The following KCNK1 variants were observed in gnomAD, a reference collection of about 807,000 sequenced individuals.
The protein encoded by KCNK1 is potassium two pore domain channel subfamily K member 1.
A neutral mutation model predicts 22.2 loss-of-function variants in KCNK1; 10 were observed. That is an observed-to-expected ratio of 0.45 (90% confidence interval 0.28 to 0.76). The LOEUF (loss-of-function observed/expected upper bound fraction) is 0.76, where lower values mean the gene tolerates loss of function less well. KCNK1 is among the 30% of genes least tolerant of loss of function. The pLI, the probability that KCNK1 is intolerant of heterozygous loss-of-function variation, is 0.14. For synonymous variants in KCNK1, 200 were observed against 186.4 expected (o/e 1.07, Z -0.60); for missense variants, 378 against 421.0 (o/e 0.90, Z 0.89).
chr1:233,665,303 A>G (rs1436742873), intron 1 of KCNK1, among the ~76,000 whole-genome samples: 1 of 152,212 alleles, frequency 6.6e-6, no homozygotes, highest in Admixed American at 6.5e-5. Flanking sequence ...ACGTCCATGC[A>G]CATTTGTGCC....
At chr1:233,614,800 G>C (rs1184641645) in intron 1 of KCNK1, among the ~76,000 whole-genome samples, 2 of 152,318 alleles carry the variant, frequency 1.3e-5, no homozygotes, top group Admixed American at 6.5e-5. Flanking sequence ...GGTTGTTGCC[G>C]TCCGTAACTC....
chr1:233,666,783 G>C lies in KCNK1; in HGVS notation c.544G>C (p.Val182Leu). Residue 182 changes from valine to leucine, a missense_variant, in exon 2 of 3, where the codon GTC becomes CTC. Coordinates refer to ENST00000366621, the MANE Select transcript of KCNK1 (RefSeq NM_002245.4). ...WGFSKQVVAI[V>L]HAVLLGFVTV... ...CTTCTCCAAGCAGGTGGTGGCCATC[G>C]TCCATGCCGTGCTCCTTGGGTTTGT... 1.2e-6 allele frequency: 2 copies of C among 1,614,184 alleles called. No individual in the cohort carries two copies. The highest frequency in any genetic ancestry group is 1.7e-6 in the Non-Finnish European group (2 of 1,180,042).
intron 1 of KCNK1, among the ~76,000 whole-genome samples, chr1:233,626,220 A>T (rs543314502): frequency 2.0e-4 from 30 of 151,944 alleles, no homozygotes; most frequent in Non-Finnish European, 2.4e-4. Context: ...TTGCTGATGG[A>T]TTGGATGTGA....
intron 1 of KCNK1, among the ~76,000 whole-genome samples, chr1:233,661,539 T>A (rs1658392292): frequency 6.6e-6 from 1 of 152,228 alleles, no homozygotes; most frequent in African/African-American, 2.4e-5. Context: ...CCATGACTTG[T>A]TACCTCTGTG....
chr1:233,627,428 A>C (rs1294954168), intron 1 of KCNK1, among the ~76,000 whole-genome samples: 4 of 152,230 alleles, frequency 2.6e-5, no homozygotes, highest in African/African-American at 9.7e-5. Flanking sequence ...AAGTTAATTA[A>C]AGAACCTGGA....
At chr1:233,639,574 C>T (rs759816681) in intron 1 of KCNK1, among the ~76,000 whole-genome samples, 1 of 152,172 alleles carries the variant, frequency 6.6e-6, no homozygotes, top group Admixed American at 6.5e-5. Flanking sequence ...AGAATCCTAA[C>T]GTCTGACAAA....
chr1:233,671,501 G>C lies in KCNK1; in HGVS notation c.982G>C (p.Ala328Pro). 6.2e-7 allele frequency: 1 copy of C among 1,614,170 alleles called. No individual in the cohort carries two copies. Among genetic ancestry groups the C allele is most frequent in the Non-Finnish European group, 8.5e-7 (1 of 1,180,042 alleles). ...GCCTTTTGTGGCCACCCAGTCATCT[G>C]CCTGCGTGGATGGCCCTGCAAACCA... ...NEPFVATQSS[A>P]CVDGPANH Residue 328 changes from alanine to proline, a missense_variant, in exon 3 of 3, where the codon GCC (alanine) becomes CCC (proline). By Grantham distance (27) the Ala-to-Pro change is conservative. Coordinates refer to ENST00000366621, the MANE Select transcript of KCNK1 (RefSeq NM_002245.4).
At chr1:233,662,809 G>A (rs150674238) in intron 1 of KCNK1, among the ~76,000 whole-genome samples, 1 of 152,188 alleles carries the variant, frequency 6.6e-6, no homozygotes, top group Non-Finnish European at 1.5e-5. Context: ...CTAATTTTGA[G>A]GTCAGTTTTT....
chr1:233,647,380 G>A (rs1658117533), intron 1 of KCNK1, among the ~76,000 whole-genome samples: 1 of 152,156 alleles, frequency 6.6e-6, no homozygotes, highest in Non-Finnish European at 1.5e-5. Flanking sequence ...CAGGAAACAT[G>A]AGTTGAAGAA....
At chr1:233,660,905 T>G (rs780083) in intron 1 of KCNK1, among the ~76,000 whole-genome samples, 103,792 of 152,048 alleles carry the variant, frequency 0.68, 35,505 homozygotes, top group Middle Eastern at 0.72. Flanking sequence ...TATATCTGGA[T>G]TGGTAGAGTG....
chr1:233,631,167 G>A (rs1254562157), intron 1 of KCNK1: 8 of 452,310 alleles, frequency 1.8e-5, no homozygotes, highest in Non-Finnish European at 3.2e-5. Context: ...ATCATCCACA[G>A]TCTATTTTAT....
chr1:233,667,140 T>G, intron 2 of KCNK1, 150 bp downstream of exon 2: 1 of 519,676 alleles, frequency 1.9e-6, no homozygotes. Flanking sequence ...GCCTTCCGGG[T>G]TCAAGGGATT....
chr1:233,650,985 G>A (rs1360321048), intron 1 of KCNK1, among the ~76,000 whole-genome samples: 2 of 152,264 alleles, frequency 1.3e-5, no homozygotes, highest in East Asian at 1.9e-4. Flanking sequence ...AGAGCATCCA[G>A]GGTTCCCGCA....
chr1:233,642,686 C>T (rs759347463), intron 1 of KCNK1, among the ~76,000 whole-genome samples: 33 of 152,106 alleles, frequency 2.2e-4, no homozygotes, highest in Non-Finnish European at 4.6e-4. Context: ...ACGGGTAGAA[C>T]AACCCAAACT....
At chr1:233,652,123 T>A (rs979425285) in intron 1 of KCNK1, among the ~76,000 whole-genome samples, 2 of 152,006 alleles carry the variant, frequency 1.3e-5, no homozygotes, top group African/African-American at 4.8e-5. Flanking sequence ...ACTGGACAAG[T>A]GTTCTGAAGC....
intron 1 of KCNK1, among the ~76,000 whole-genome samples, chr1:233,637,765 G>A (rs1212399505): frequency 1.3e-5 from 2 of 152,112 alleles, no homozygotes; most frequent in African/African-American, 4.8e-5. Context: ...AGGATTGAGA[G>A]CAAACCCAAT....
chr1:233,648,769 G>T (rs775653316), intron 1 of KCNK1, among the ~76,000 whole-genome samples: 2 of 152,106 alleles, frequency 1.3e-5, no homozygotes, highest in African/African-American at 4.8e-5. Flanking sequence ...GTTTCACCAT[G>T]TTGGCCAGGC....
At chr1:233,656,209 G>C (rs544389372) in intron 1 of KCNK1, among the ~76,000 whole-genome samples, 1 of 152,220 alleles carries the variant, frequency 6.6e-6, no homozygotes, top group Middle Eastern at 3.2e-3. Context: ...CTGGAAGAGA[G>C]AGTCTCCGGT....
chr1:233,646,571 G>T (rs1161863473), intron 1 of KCNK1, among the ~76,000 whole-genome samples: 1 of 151,962 alleles, frequency 6.6e-6, no homozygotes, highest in African/African-American at 2.4e-5. Context: ...GGTAGGCCAT[G>T]AGGTGAAAGA....
Sources: gnomAD v4.1 joint callset for allele counts (sites outside exome capture counted in the v4.1 genomes callset) on GRCh38, gnomAD v4.1.1 for gene constraint, MANE v1.5 for transcripts, NCBI Gene and HGNC (gene_info 2026-07-23, HGNC 2026-07-21) for gene names.